The following SORCS2 variants were observed in gnomAD, a reference collection of about 807,000 sequenced individuals.
The protein encoded by SORCS2 is VPS10 domain-containing receptor SorCS2.
SORCS2 carries 100 observed loss-of-function variants against 141.6 expected under a neutral mutation model. That is an observed-to-expected ratio of 0.71 (90% CI 0.60 to 0.83). The LOEUF is 0.83. SORCS2 is among the 40% of genes least tolerant of loss of function. The probability of loss-of-function intolerance (pLI) is 0.00; values close to 1 mark genes in which losing one functional copy is unlikely to be tolerated. For synonymous variants in SORCS2, 789 were observed against 676.9 expected, an observed-to-expected ratio of 1.17 and a Z score of -2.57; for missense variants, 1,646 against 1,560.2, an observed-to-expected ratio of 1.05 and a Z score of -0.93.
At chr4:7,665,927 G>T (rs529944871) in intron 7 of SORCS2, among the ~76,000 whole-genome samples, 1 of 152,300 alleles carries the variant, frequency 6.6e-6, no homozygotes, top group South Asian at 2.1e-4. Context: ...CAGCAAGAGG[G>T]AACACATGCC....
At chr4:7,613,243 T>A (rs1373290964) in intron 3 of SORCS2, among the ~76,000 whole-genome samples, 1 of 152,218 alleles carries the variant, frequency 6.6e-6, no homozygotes, top group East Asian at 1.9e-4. Flanking sequence ...AGAAATTAAA[T>A]ACATTTGTTG....
chr4:7,596,222 A>T (rs1717268342), intron 3 of SORCS2, among the ~76,000 whole-genome samples: 3 of 152,218 alleles, frequency 2.0e-5, no homozygotes, highest in Admixed American at 1.3e-4. Flanking sequence ...GCAATCTAGG[A>T]TGTCCAAAAA....
chr4:7,422,370 C>T (rs547694040), intron 2 of SORCS2, among the ~76,000 whole-genome samples: 46 of 152,302 alleles, frequency 3.0e-4, no homozygotes, highest in African/African-American at 1.1e-3. Context: ...ATGCCCTGCC[C>T]GCTTCTACAG....
At chr4:7,535,392 AC>A (rs1307136307) in intron 3 of SORCS2, among the ~76,000 whole-genome samples, 1 of 151,612 alleles carries the variant, frequency 6.6e-6, no homozygotes, top group Non-Finnish European at 1.5e-5. Flanking sequence ...TGAGAGGCTG[AC>A]CCCCTGGCTT....
At chr4:7,654,717 A>T (rs1192582003) in intron 5 of SORCS2, among the ~76,000 whole-genome samples, 1 of 151,412 alleles carries the variant, frequency 6.6e-6, no homozygotes, top group East Asian at 1.9e-4. Context: ...CCCCCCTTCC[A>T]CTGCTCAGCC....
chr4:7,736,956 C>A, intron 25 of SORCS2, 113 bp from the exon 26 acceptor site: 1 of 1,368,160 alleles, frequency 7.3e-7, no homozygotes, highest in Non-Finnish European at 9.9e-7. Flanking sequence ...CTCTGGAGTG[C>A]TGTGGGCACC....
intron 2 of SORCS2, chr4:7,434,905 G>A: frequency 6.6e-7 from 1 of 1,521,046 alleles, no homozygotes; most frequent in Admixed American, 2.2e-5. Flanking sequence ...TCTGGCTCCA[G>A]AGTACCCAGC....
intron 3 of SORCS2, among the ~76,000 whole-genome samples, chr4:7,628,625 G>C (rs1189191048): frequency 6.6e-6 from 1 of 152,172 alleles, no homozygotes; most frequent in South Asian, 2.1e-4. Flanking sequence ...GTAGGGCTTG[G>C]GATCTAGCAG....
At chr4:7,610,159 C>T (rs770098375) in intron 3 of SORCS2, among the ~76,000 whole-genome samples, 2 of 152,156 alleles carry the variant, frequency 1.3e-5, no homozygotes, top group Non-Finnish European at 2.9e-5. Context: ...AGCTCTGAAA[C>T]TACTGAACAG....
chr4:7,695,958 G>GGATGGATC, intron 11 of SORCS2, among the ~76,000 whole-genome samples: 1 of 149,536 alleles, frequency 6.7e-6, no homozygotes, highest in Non-Finnish European at 1.5e-5. Context: ...ATGGATGGAT[G>GGATGGATC]GATGGATGGA....
intron 1 of SORCS2, among the ~76,000 whole-genome samples, chr4:7,207,412 C>T (rs1727807531): frequency 6.6e-6 from 1 of 152,204 alleles, no homozygotes; most frequent in African/African-American, 2.4e-5. Flanking sequence ...AGCGCCTGGC[C>T]AGGGCCCAGC....
At chr4:7,250,823 T>A (rs1713456536) in intron 1 of SORCS2, among the ~76,000 whole-genome samples, 1 of 152,256 alleles carries the variant, frequency 6.6e-6, no homozygotes, top group African/African-American at 2.4e-5. Flanking sequence ...TGTTACTTAA[T>A]AGGAGAAACC....
chr4:7,274,560 C>T (rs1280737190), intron 1 of SORCS2, among the ~76,000 whole-genome samples: 1 of 152,094 alleles, frequency 6.6e-6, no homozygotes, highest in Non-Finnish European at 1.5e-5. Flanking sequence ...GTGCTACACA[C>T]TTTTAAACAA....
intron 1 of SORCS2, among the ~76,000 whole-genome samples, chr4:7,358,147 A>G (rs1282911952): frequency 6.6e-6 from 1 of 152,238 alleles, no homozygotes; most frequent in African/African-American, 2.4e-5. Context: ...AATTTTTCCT[A>G]ACAGCAGTGT....
chr4:7,612,735 C>T lies in SORCS2; in HGVS notation c.649-25593C>T, dbSNP rs542351284. ...CTGTTCATGTTGCCACAGAGAATTC[C>T]AATCCATGCACACTCTATTATGCTG... On this transcript the variant is annotated intron_variant, in intron 3 of 26. Transcript: ENST00000507866. Among the ~76,000 whole-genome samples the T allele has an allele frequency of 1.6e-4, 24 of 152,322 alleles. 1 individual carries two copies. The highest frequency in any genetic ancestry group is 5.3e-4 in the African/African-American group (22 of 41,584).
At chr4:7,296,400 C>T (rs1270758091) in intron 1 of SORCS2, among the ~76,000 whole-genome samples, 3 of 152,246 alleles carry the variant, frequency 2.0e-5, no homozygotes, top group Non-Finnish European at 4.4e-5. Flanking sequence ...GCAGGAAGCT[C>T]TGCCTCCTCT....
chr4:7,211,662 C>T (rs1006260083), intron 1 of SORCS2, among the ~76,000 whole-genome samples: 1 of 152,188 alleles, frequency 6.6e-6, no homozygotes, highest in African/African-American at 2.4e-5. Context: ...TGTGAGCCAC[C>T]ATGTCCGGCC....
intron 3 of SORCS2, among the ~76,000 whole-genome samples, chr4:7,554,773 GC>G (rs1423663893): frequency 6.6e-6 from 1 of 152,174 alleles, no homozygotes; most frequent in Non-Finnish European, 1.5e-5. Flanking sequence ...TGCTGTGTGG[GC>G]TGAACCCTCC....
intron 3 of SORCS2, among the ~76,000 whole-genome samples, chr4:7,601,936 A>G (rs556189455): frequency 1.8e-4 from 27 of 152,322 alleles, no homozygotes; most frequent in African/African-American, 6.5e-4. Flanking sequence ...CCCTTAATCC[A>G]TCTAACCCTG....
Sources: allele counts gnomAD v4.1 joint callset (sites outside exome capture counted in the v4.1 genomes callset), GRCh38; gene constraint gnomAD v4.1.1; transcripts MANE v1.5; gene names NCBI Gene and HGNC (gene_info 2026-07-23, HGNC 2026-07-21).